Variants in ARHGAP19 observed in about 807,000 individuals in gnomAD.
ARHGAP19 encodes the protein rho GTPase-activating protein 19.
Under a neutral mutation model 60.9 loss-of-function variants are expected in ARHGAP19, and 48 were observed. The observed-to-expected ratio is 0.79, with a 90% confidence interval of 0.62 to 1.00. The LOEUF (loss-of-function observed/expected upper bound fraction) is 1.00. Among genes scored for constraint, ARHGAP19 ranks in the 50% least tolerant of loss-of-function variants. The probability of loss-of-function intolerance (pLI) is 0.00; values close to 1 mark genes in which losing one functional copy is unlikely to be tolerated. For missense variants in ARHGAP19, 562 were observed against 597.2 expected, an observed-to-expected ratio of 0.94 and a Z score of 0.61; for synonymous variants, 209 against 215.5, an observed-to-expected ratio of 0.97 and a Z score of 0.27.
At chr10:97,291,883 G>A (rs1324074952) in intron 1 of ARHGAP19, among the ~76,000 whole-genome samples, 2 of 152,110 alleles carry the variant, frequency 1.3e-5, no homozygotes, top group African/African-American at 4.8e-5. Flanking sequence ...AAATCTCGGT[G>A]TGGCTGTTTA....
At chr10:97,229,941 C>G in intron 9 of ARHGAP19, 67 bp from the exon 10 acceptor site, 1 of 1,143,604 alleles carries the variant, frequency 8.7e-7, no homozygotes. Context: ...GCTATACTAG[C>G]CTTCAAAACT....
At chr10:97,264,470 A>G (rs1589372238) in intron 3 of ARHGAP19, among the ~76,000 whole-genome samples, 2 of 151,984 alleles carry the variant, frequency 1.3e-5, no homozygotes, top group South Asian at 2.1e-4. Flanking sequence ...AAAAAAAAGT[A>G]AAGAGTGTGT....
At chr10:97,241,891 TC>T (rs1173102693) in intron 8 of ARHGAP19, among the ~76,000 whole-genome samples, 2 of 150,904 alleles carry the variant, frequency 1.3e-5, no homozygotes, top group Non-Finnish European at 3.0e-5. Flanking sequence ...GCACCTGTAG[TC>T]CCAGCTACTC....
At chr10:97,248,877 G>T (rs1351411884) in intron 6 of ARHGAP19, among the ~76,000 whole-genome samples, 11 of 152,096 alleles carry the variant, frequency 7.2e-5, no homozygotes, top group African/African-American at 2.4e-4. Flanking sequence ...GAGTGCAGTG[G>T]CATAATCTCG....
At chr10:97,249,355 A>G (rs1842608729) in intron 6 of ARHGAP19, among the ~76,000 whole-genome samples, 1 of 152,228 alleles carries the variant, frequency 6.6e-6, no homozygotes, top group South Asian at 2.1e-4. Context: ...CATCATGAAG[A>G]GAGAAAATCA....
chr10:97,256,589 T>C (rs1219911203), intron 5 of ARHGAP19, 185 bp from the exon 6 acceptor site: 2 of 460,118 alleles, frequency 4.3e-6, no homozygotes, highest in Non-Finnish European at 7.7e-6. Flanking sequence ...AAACAATGTG[T>C]CCCTGAAGTG....
At chr10:97,283,877 T>A (rs1415278553) in intron 1 of ARHGAP19, among the ~76,000 whole-genome samples, 2 of 151,636 alleles carry the variant, frequency 1.3e-5, no homozygotes, top group African/African-American at 2.4e-5. Flanking sequence ...AATGGTTGTA[T>A]CTATCTGGTA....
In ARHGAP19 at chr10:97,222,191, C is replaced by T. The variant is rs1850815700; in HGVS notation, c.*3931G>A. 1 of 152,150 alleles carries T rather than the reference C, an allele frequency of 6.6e-6. No individual in the cohort carries two copies. The highest frequency in any genetic ancestry group is 2.4e-5 in the African/African-American group (1 of 41,436). 9.4% of individuals were successfully genotyped at this position (152,150 alleles called of 1,614,324 possible). On this transcript the variant is annotated 3_prime_UTR_variant, in exon 12 of 12. Coordinates refer to ENST00000358531, the MANE Select transcript of ARHGAP19 (RefSeq NM_032900.6). ...CAAATCCTCTGGATATGAAACAAAA[C>T]AATTTTAATTTCAGAATATTACAAG...
chr10:97,250,090 G>T (rs1329265533), intron 6 of ARHGAP19, among the ~76,000 whole-genome samples: 2 of 152,028 alleles, frequency 1.3e-5, no homozygotes, highest in Admixed American at 6.6e-5. Flanking sequence ...GGCCAGTAGT[G>T]TGATTCTTAA....
At chr10:97,254,980 C>T (rs1415291361) in intron 6 of ARHGAP19, among the ~76,000 whole-genome samples, 1 of 152,102 alleles carries the variant, frequency 6.6e-6, no homozygotes, top group Non-Finnish European at 1.5e-5. Flanking sequence ...AGACAAATAC[C>T]GTATGAGTCC....
intron 1 of ARHGAP19, among the ~76,000 whole-genome samples, chr10:97,289,847 T>A (rs1843206116): frequency 7.1e-6 from 1 of 140,426 alleles, no homozygotes; most frequent in African/African-American, 2.8e-5. Flanking sequence ...GAAGGAGCCC[T>A]GTGTTAAAAA....
At chr10:97,273,373 G>A (rs1021814045) in intron 1 of ARHGAP19, among the ~76,000 whole-genome samples, 6 of 151,596 alleles carry the variant, frequency 4.0e-5, no homozygotes, top group Non-Finnish European at 7.4e-5. Flanking sequence ...ATGTTAGCCA[G>A]GCTGGTCTCG....
chr10:97,274,008 C>T (rs1195533805), intron 1 of ARHGAP19, among the ~76,000 whole-genome samples: 1 of 151,870 alleles, frequency 6.6e-6, no homozygotes, highest in Non-Finnish European at 1.5e-5. Context: ...CAACTACATA[C>T]TATATGATGA....
rs548152408 is a variant in ARHGAP19, at chr10:97,250,766, T to C, written c.928-4429A>G. Among the ~76,000 whole-genome samples, 95 of 151,852 alleles carry C rather than the reference T, an allele frequency of 6.3e-4. 2 individuals are homozygous for C. Among genetic ancestry groups the C allele is most frequent in the African/African-American group, 1.6e-3 (68 of 41,448 alleles). On this transcript the variant is annotated intron_variant, in intron 6 of 11. Transcript: ENST00000358531. ...ACAAGAATATATCTATTCTATTTCATTTAAAAAAAAGAAAGAAGGCCAAGA... is the reference window on the plus strand; with the variant it reads ...ACAAGAATATATCTATTCTATTTCACTTAAAAAAAAGAAAGAAGGCCAAGA...
At chr10:97,228,425 C>A (rs1489505038) in intron 11 of ARHGAP19, among the ~76,000 whole-genome samples, 1 of 152,180 alleles carries the variant, frequency 6.6e-6, no homozygotes, top group African/African-American at 2.4e-5. Flanking sequence ...AATTGAGCCT[C>A]ATAATAAATT....
At chr10:97,262,592 G>A (rs1842845422) in intron 4 of ARHGAP19, among the ~76,000 whole-genome samples, 1 of 152,136 alleles carries the variant, frequency 6.6e-6, no homozygotes, top group Admixed American at 6.5e-5. Flanking sequence ...TTGAACCCGG[G>A]AGGCGGAGGT....
intron 9 of ARHGAP19, among the ~76,000 whole-genome samples, chr10:97,234,893 G>A (rs1851100708): frequency 6.6e-6 from 1 of 152,162 alleles, no homozygotes. Flanking sequence ...GCATAAAGAA[G>A]TGTGTAACTC....
intron 1 of ARHGAP19, among the ~76,000 whole-genome samples, chr10:97,270,295 G>A (rs1842945659): frequency 1.3e-5 from 2 of 151,896 alleles, no homozygotes; most frequent in Non-Finnish European, 2.9e-5. Flanking sequence ...GGACCACCTG[G>A]TAAAACAATA....
rs201308961 is a variant in ARHGAP19, at chr10:97,239,551, G to GGTGTGTGTGT, written c.1186-4246_1186-4237dup. Among the ~76,000 whole-genome samples, 51 of 20,286 alleles carry GGTGTGTGTGT rather than the reference G, an allele frequency of 2.5e-3. 2 individuals carry two copies. Among genetic ancestry groups the GGTGTGTGTGT allele is most frequent in the African/African-American group, 3.2e-3 (46 of 14,264 alleles). The allele number at this position is 20,286 out of a possible 152,430, so 13.3% of individuals were successfully genotyped here. Reference sequence around the variant, plus strand: ...AAGGGAGTGAGAGAGAGAGAGAGAGGGTGTGTGTGTGTGTGTGTGTGTGTG... The same window carrying GGTGTGTGTGT: ...AAGGGAGTGAGAGAGAGAGAGAGAGGGTGTGTGTGTGTGTGTGTGTGTGTGTGTGTGTGTG... On this transcript the variant is annotated intron_variant, in intron 8 of 11. Coordinates refer to ENST00000358531, the MANE Select transcript of ARHGAP19 (RefSeq NM_032900.6).
Sources: allele counts gnomAD v4.1 joint callset (sites outside exome capture counted in the v4.1 genomes callset), GRCh38; gene constraint gnomAD v4.1.1; transcripts MANE v1.5; gene names NCBI Gene and HGNC (gene_info 2026-07-23, HGNC 2026-07-21).